IL34: variants seen among roughly 807,000 people sequenced by gnomAD.
IL34 encodes interleukin 34.
A neutral mutation model predicts 25.3 loss-of-function variants in IL34; 17 were observed. That is an observed-to-expected ratio of 0.67 (90% CI 0.46 to 1.01). The LOEUF is 1.01. IL34 is among the 50% of genes least tolerant of loss of function. The probability of loss-of-function intolerance (pLI) is 0.00; values close to 1 mark genes in which losing one functional copy is unlikely to be tolerated. For synonymous variants in IL34, 174 were observed against 140.9 expected (o/e 1.23, Z -1.66); for missense variants, 368 against 312.9 (o/e 1.18, Z -1.33).
upstream of IL34, among the ~76,000 whole-genome samples, chr16:70,643,594 CAA>C (rs2051838310): frequency 6.6e-6 from 1 of 152,208 alleles, no homozygotes. Flanking sequence ...GGGCTGGTCT[CAA>C]AGCCCTGGGC....
rs542155506 is a variant in IL34, at chr16:70,656,460, C to T, written c.163-142C>T. The T allele has an allele frequency of 1.5e-4, 101 of 671,602 alleles. 1 individual carries two copies. Among genetic ancestry groups the T allele is most frequent in the Admixed American group, 7.4e-4 (35 of 47,106 alleles). The allele number at this position is 671,602 out of a possible 1,614,324, so 41.6% of individuals were successfully genotyped here. Reference sequence around the variant, plus strand: ...CTTGAGCCTGGGAGGTCAAGGCTTCCGTGAGCCATGATGCTGCCCCTGCAC... The same window carrying T: ...CTTGAGCCTGGGAGGTCAAGGCTTCTGTGAGCCATGATGCTGCCCCTGCAC... On this transcript the variant is annotated intron_variant, in intron 2 of 5. Transcript: ENST00000288098.
At position 70,620,919 on chromosome 16, in the gene IL34, C is replaced by A. The variant is rs910584082; in HGVS notation, c.-400-25629C>A. On this transcript the variant is annotated intron_variant, in intron 1 of 6. Coordinates refer to the IL34 transcript ENST00000429149. ...AGGAGGAATGGAATGTGGAATCTTA[C>A]GTATAGTGAAGGAGGCAAGCCCAGA... 3.3e-5 allele frequency among the ~76,000 whole-genome samples: 5 copies of A among 151,910 alleles called. 1 individual carries two copies. The highest frequency in any genetic ancestry group is 3.9e-4 in the East Asian group (2 of 5,190).
At chr16:70,588,210 G>A (rs555970369) in intron 1 of IL34, among the ~76,000 whole-genome samples, 18 of 152,206 alleles carry the variant, frequency 1.2e-4, no homozygotes, top group African/African-American at 3.6e-4. Context: ...TAGAGGCCGG[G>A]TGCGGTGGCT....
At chr16:70,594,717 CA>C (rs2050796166) in intron 1 of IL34, among the ~76,000 whole-genome samples, 1 of 152,108 alleles carries the variant, frequency 6.6e-6, no homozygotes, top group Admixed American at 6.6e-5. Context: ...AAGCAGAACA[CA>C]CTGGTCCTGC....
intron 1 of IL34, among the ~76,000 whole-genome samples, chr16:70,648,768 G>A (rs1381461390): frequency 6.6e-6 from 1 of 152,022 alleles, no homozygotes; most frequent in African/African-American, 2.4e-5. Context: ...AAAGCTTCGG[G>A]TGGCTTAGAG....
chr16:70,643,238 A>G (rs2051829192), upstream of IL34, among the ~76,000 whole-genome samples: 1 of 151,900 alleles, frequency 6.6e-6, no homozygotes, highest in African/African-American at 2.4e-5. Context: ...AATCTTTTGT[A>G]TGTTTAGTAG....
intron 1 of IL34, among the ~76,000 whole-genome samples, chr16:70,620,622 G>A (rs913997965): frequency 3.3e-5 from 5 of 152,142 alleles, no homozygotes; most frequent in Non-Finnish European, 4.4e-5. Flanking sequence ...GATTTGGTAC[G>A]AGTTGCATTG....
chr16:70,615,476 C>T (rs2051160034), intron 1 of IL34, among the ~76,000 whole-genome samples: 1 of 152,040 alleles, frequency 6.6e-6, no homozygotes, highest in Non-Finnish European at 1.5e-5. Context: ...CACTGCACTC[C>T]AGCCTGGCAA....
chr16:70,645,120 AGG>A (rs1276337285), upstream of IL34, among the ~76,000 whole-genome samples: 1 of 118,792 alleles, frequency 8.4e-6, no homozygotes, highest in Non-Finnish European at 1.9e-5. Context: ...GAGGAAGAAG[AGG>A]GAGGAAGGAG....
At chr16:70,634,784 ATAGAT>A (rs1172573681) in intron 1 of IL34, among the ~76,000 whole-genome samples, 1 of 151,666 alleles carries the variant, frequency 6.6e-6, no homozygotes, top group African/African-American at 2.4e-5. Flanking sequence ...ACCTATCACC[ATAGAT>A]TAGTTTATTG....
intron 1 of IL34, among the ~76,000 whole-genome samples, chr16:70,605,923 C>T (rs1020220339): frequency 8.0e-5 from 12 of 149,156 alleles, no homozygotes; most frequent in African/African-American, 2.5e-4. Flanking sequence ...CCACCTGCCT[C>T]GGTATCCCAA....
At chr16:70,619,829 G>A (rs1454662058) in intron 1 of IL34, among the ~76,000 whole-genome samples, 13 of 152,184 alleles carry the variant, frequency 8.5e-5, no homozygotes, top group South Asian at 2.1e-4. Context: ...TGAACAGTCC[G>A]ATTTTCAGTG....
rs146348075 is a variant in IL34 at position 70,618,460 on chromosome 16, A to G, written c.-400-28088A>G. ...GAAGCAGAAATTATATGCGTCAGGTATGAGGAAGAAAATAGATTTTGGAAG... is the reference window on the plus strand; with the variant it reads ...GAAGCAGAAATTATATGCGTCAGGTGTGAGGAAGAAAATAGATTTTGGAAG... On this transcript the variant is annotated intron_variant, in intron 1 of 6. Coordinates refer to the IL34 transcript ENST00000429149. Among the ~76,000 whole-genome samples the G allele has an allele frequency of 8.2e-3, 1,243 of 152,292 alleles. 19 individuals carry two copies. Among genetic ancestry groups the G allele is most frequent in the African/African-American group, 0.028 (1,173 of 41,560 alleles).
At chr16:70,633,859 T>C (rs931563023) in intron 1 of IL34, among the ~76,000 whole-genome samples, 5 of 149,706 alleles carry the variant, frequency 3.3e-5, no homozygotes, top group African/African-American at 9.8e-5. Context: ...GTCTCTCTCT[T>C]TTTTTTTTTG....
chr16:70,626,538 A>G (rs1044817260), intron 1 of IL34, among the ~76,000 whole-genome samples: 8 of 152,132 alleles, frequency 5.3e-5, no homozygotes, highest in South Asian at 2.1e-4. Context: ...CTGGGATTAC[A>G]GGCATGCGCC....
chr16:70,641,474 A>T (rs1226398304), intron 1 of IL34, among the ~76,000 whole-genome samples: 1 of 152,034 alleles, frequency 6.6e-6, no homozygotes, highest in Non-Finnish European at 1.5e-5. Context: ...AATGGATTGA[A>T]ATACATAAAT....
chr16:70,582,495 A>G (rs772669885), intron 1 of IL34, among the ~76,000 whole-genome samples: 15 of 152,178 alleles, frequency 9.9e-5, no homozygotes, highest in Non-Finnish European at 1.8e-4. Flanking sequence ...CACTTTCCAC[A>G]TGTGGGCAGT....
intron 1 of IL34, among the ~76,000 whole-genome samples, chr16:70,608,125 TC>T (rs869134577): frequency 0.087 from 3,763 of 43,066 alleles, 105 homozygotes; most frequent in East Asian, 0.35. Flanking sequence ...TTTTCTTTTT[TC>T]TTTTTTTTTT....
intron 1 of IL34, among the ~76,000 whole-genome samples, chr16:70,616,983 T>TG (rs1332062081): frequency 6.6e-6 from 1 of 151,926 alleles, no homozygotes; most frequent in Non-Finnish European, 1.5e-5. Context: ...CGAAAATTTT[T>TG]GGGGGGTGGT....
Sources: allele counts gnomAD v4.1 joint callset (sites outside exome capture counted in the v4.1 genomes callset), GRCh38; gene constraint gnomAD v4.1.1; transcripts MANE v1.5; gene names NCBI Gene and HGNC (gene_info 2026-07-23, HGNC 2026-07-21).